The following ADAMTS6 variants were observed in gnomAD, a reference collection of about 807,000 sequenced individuals.
ADAMTS6 encodes ADAM metallopeptidase with thrombospondin type 1 motif 6, also known as A disintegrin and metalloproteinase with thrombospondin motifs 6.
Under a neutral mutation model 144.3 loss-of-function variants are expected in ADAMTS6, and 23 were observed. That is an observed-to-expected ratio of 0.16 (90% CI 0.11 to 0.23). The LOEUF (loss-of-function observed/expected upper bound fraction) is 0.23. Ranked by LOEUF, ADAMTS6 falls within the 10% of genes least tolerant of loss-of-function variation. The probability of loss-of-function intolerance (pLI) is 1.00; values close to 1 mark genes in which losing one functional copy is unlikely to be tolerated. For missense variants in ADAMTS6, 999 were observed against 1,379.6 expected (o/e 0.72, Z 4.37); for synonymous variants, 444 against 457.5 (o/e 0.97, Z 0.38).
At chr5:65,233,859 A>G (rs1758448971) in intron 15 of ADAMTS6, among the ~76,000 whole-genome samples, 1 of 152,130 alleles carries the variant, frequency 6.6e-6, no homozygotes, top group African/African-American at 2.4e-5. Flanking sequence ...TAGAGGCATC[A>G]CACTTCCTGA....
chr5:65,349,576 C>T (rs1404340584), intron 7 of ADAMTS6, among the ~76,000 whole-genome samples: 1 of 151,990 alleles, frequency 6.6e-6, no homozygotes, highest in African/African-American at 2.4e-5. Context: ...ACTTTGAGGC[C>T]AGGCATGGTG....
chr5:65,286,830 ACTTC>A (rs1419579521), intron 11 of ADAMTS6, among the ~76,000 whole-genome samples: 1 of 152,174 alleles, frequency 6.6e-6, no homozygotes, highest in Non-Finnish European at 1.5e-5. Flanking sequence ...CTCATTAGTG[ACTTC>A]CTTCCTACGT....
chr5:65,200,205 T>C (rs1479443471), intron 20 of ADAMTS6, among the ~76,000 whole-genome samples: 3 of 152,182 alleles, frequency 2.0e-5, no homozygotes, highest in African/African-American at 7.2e-5. Context: ...TTACAGATTT[T>C]TTTTTCTTTT....
At chr5:65,469,369 C>T (rs1207241226) in intron 3 of ADAMTS6, among the ~76,000 whole-genome samples, 2 of 152,128 alleles carry the variant, frequency 1.3e-5, no homozygotes, top group Admixed American at 6.5e-5. Flanking sequence ...CATTTCATCA[C>T]CCTGTTAAAA....
chr5:65,432,474 G>T (rs1757069443), intron 7 of ADAMTS6, among the ~76,000 whole-genome samples: 1 of 151,964 alleles, frequency 6.6e-6, no homozygotes, highest in African/African-American at 2.4e-5. Flanking sequence ...AAGAGCCATT[G>T]AATTTTTTCC....
At chr5:65,452,681 A>G (rs1239207350) in intron 5 of ADAMTS6, 26 bp downstream of exon 5, 1 of 1,609,998 alleles carries the variant, frequency 6.2e-7, no homozygotes, top group Non-Finnish European at 8.5e-7. Flanking sequence ...ATGAAGTAAA[A>G]TATTATATAG....
chr5:65,198,910 C>G (rs1354913168), intron 20 of ADAMTS6: 1 of 152,134 alleles, frequency 6.6e-6, no homozygotes, highest in African/African-American at 2.4e-5. Flanking sequence ...GTGATCCATT[C>G]ACAGATGTTC....
At chr5:65,187,072 T>C (rs1754718070) in intron 22 of ADAMTS6, among the ~76,000 whole-genome samples, 1 of 152,190 alleles carries the variant, frequency 6.6e-6, no homozygotes, top group Non-Finnish European at 1.5e-5. Context: ...TACCACAATG[T>C]TTCTGGCAGG....
intron 20 of ADAMTS6, among the ~76,000 whole-genome samples, chr5:65,211,928 G>A (rs1756557315): frequency 6.6e-6 from 1 of 152,098 alleles, no homozygotes; most frequent in Non-Finnish European, 1.5e-5. Context: ...TTGTTCTAGG[G>A]GCAAAATGAG....
At chr5:65,475,204 G>A (rs1267262291) in intron 1 of ADAMTS6, among the ~76,000 whole-genome samples, 2 of 152,110 alleles carry the variant, frequency 1.3e-5, no homozygotes, top group African/African-American at 4.8e-5. Flanking sequence ...GTAGTTAACT[G>A]TAAAATTAAC....
At chr5:65,420,207 G>A (rs1311718157) in intron 7 of ADAMTS6, among the ~76,000 whole-genome samples, 1 of 152,114 alleles carries the variant, frequency 6.6e-6, no homozygotes, top group African/African-American at 2.4e-5. Flanking sequence ...CAGTATGGGG[G>A]AAACCAACCC....
At chr5:65,379,743 G>A (rs939218410) in intron 7 of ADAMTS6, among the ~76,000 whole-genome samples, 8 of 151,722 alleles carry the variant, frequency 5.3e-5, no homozygotes, top group South Asian at 4.2e-4. Flanking sequence ...CAGTGTCCCC[G>A]CTTTCTCCTC....
chr5:65,414,078 A>T (rs1561520038), intron 7 of ADAMTS6, among the ~76,000 whole-genome samples: 1 of 152,188 alleles, frequency 6.6e-6, no homozygotes, highest in African/African-American at 2.4e-5. Flanking sequence ...TCCAGAGGAA[A>T]AAAGCATCCT....
At position 65,200,718 on chromosome 5, in the gene ADAMTS6, T is replaced by C. The variant is rs562193449; in HGVS notation, c.2576-3567A>G. 1.1e-4 allele frequency among the ~76,000 whole-genome samples: 16 copies of C among 152,278 alleles called. No individual in the cohort carries two copies. In the South Asian group the frequency reaches 2.7e-3, roughly 26 times the overall value. On this transcript the variant is annotated intron_variant, in intron 20 of 24. Coordinates refer to ENST00000381055, the MANE Select transcript of ADAMTS6 (RefSeq NM_197941.4). ...AAGTTACTGGCATGCAAACTGTATG[T>C]ATATGTTTTTTTAATGCAATCCTTC... is the stretch of plus-strand genomic sequence containing the variant.
chr5:65,396,885 T>C (rs1176123640), intron 7 of ADAMTS6, among the ~76,000 whole-genome samples: 1 of 152,238 alleles, frequency 6.6e-6, no homozygotes. Context: ...TGTCTGCTTC[T>C]ATCTTCTGAG....
intron 6 of ADAMTS6, 54 bp from the exon 7 acceptor site, chr5:65,451,674 T>A (rs1758752198): frequency 6.3e-7 from 1 of 1,593,416 alleles, no homozygotes; most frequent in African/African-American, 1.4e-5. Flanking sequence ...TAAGGTCAGT[T>A]GTTAAAACTT....
rs1758681320 is a variant in ADAMTS6 at position 65,236,514 on chromosome 5, T to A, written c.1933+5590A>T. On this transcript the variant is annotated intron_variant, in intron 15 of 24. Transcript: ENST00000381055. The stretch of plus-strand genomic sequence containing the variant: ...GTTGCCCAGGGTGGTCTCCAACTCC[T>A]GGGCTCAGGAAATCCTCCCAACTTG... Among the ~76,000 whole-genome samples the A allele has an allele frequency of 2.6e-5, 4 of 152,122 alleles. No homozygotes were observed. In the South Asian group the frequency reaches 8.3e-4, roughly 31 times the overall value.
intron 18 of ADAMTS6, among the ~76,000 whole-genome samples, chr5:65,219,185 C>T (rs1464006360): frequency 6.6e-6 from 1 of 152,140 alleles, no homozygotes; most frequent in Non-Finnish European, 1.5e-5. Flanking sequence ...AGTCACCAAA[C>T]TTATGACCCA....
intron 3 of ADAMTS6, among the ~76,000 whole-genome samples, chr5:65,468,613 T>TA (rs1402628817): frequency 2.0e-5 from 3 of 152,150 alleles, no homozygotes; most frequent in Non-Finnish European, 4.4e-5. Context: ...TAATCAAACT[T>TA]AGTTAACACG....
Sources: gnomAD v4.1 joint callset for allele counts (sites outside exome capture counted in the v4.1 genomes callset) on GRCh38, gnomAD v4.1.1 for gene constraint, MANE v1.5 for transcripts, NCBI Gene and HGNC (gene_info 2026-07-23, HGNC 2026-07-21) for gene names.